The following PC variants were observed in gnomAD, a reference collection of about 807,000 sequenced individuals.
The protein encoded by PC is pyruvate carboxylase.
PC carries 46 observed loss-of-function variants against 107.8 expected under a neutral mutation model. That is an observed-to-expected ratio of 0.43 (90% CI 0.34 to 0.55). The LOEUF (loss-of-function observed/expected upper bound fraction) is 0.55. Among genes scored for constraint, PC ranks in the 20% least tolerant of loss-of-function variants. The pLI, the probability that PC is intolerant of heterozygous loss-of-function variation, is 0.04. For synonymous variants in PC, 662 were observed against 684.7 expected (o/e 0.97, Z 0.52); for missense variants, 1,241 against 1,643.1 (o/e 0.76, Z 4.23).
intron 3 of PC, among the ~76,000 whole-genome samples, chr11:66,926,678 A>C (rs2050577002): frequency 6.6e-6 from 1 of 151,976 alleles, no homozygotes; most frequent in Admixed American, 6.6e-5. Context: ...CCTTTTCATC[A>C]CTCCAAAAAG....
chr11:66,849,422 T>TC, intron 21 of PC, 52 bp from the exon 22 acceptor site: 1 of 1,609,480 alleles, frequency 6.2e-7, no homozygotes, highest in Non-Finnish European at 8.5e-7. Context: ...GGGAGAGCAG[T>TC]CCCCCGGCCC....
At chr11:66,861,755 T>C (rs1946271002) in intron 12 of PC, among the ~76,000 whole-genome samples, 1 of 151,958 alleles carries the variant, frequency 6.6e-6, no homozygotes, top group Non-Finnish European at 1.5e-5. Flanking sequence ...TTGGTGCACA[T>C]TTGGGGAGGA....
At chr11:66,938,864 TTGG>T (rs1267061444) in intron 3 of PC, among the ~76,000 whole-genome samples, 1 of 152,218 alleles carries the variant, frequency 6.6e-6, no homozygotes, top group Admixed American at 6.6e-5. Flanking sequence ...GATGTACGTT[TTGG>T]TGATTTCCCA....
chr11:66,915,227 A>G (rs1948437368), intron 3 of PC, among the ~76,000 whole-genome samples: 1 of 152,048 alleles, frequency 6.6e-6, no homozygotes, highest in African/African-American at 2.4e-5. Flanking sequence ...AGTCTCTGAA[A>G]CCTGCCTAAG....
chr11:66,876,659 C>T (rs1946991060), intron 3 of PC, among the ~76,000 whole-genome samples: 1 of 152,184 alleles, frequency 6.6e-6, no homozygotes, highest in African/African-American at 2.4e-5. Context: ...AGCCCTGCTC[C>T]AGGCGAGTTA....
intron 10 of PC, among the ~76,000 whole-genome samples, chr11:66,867,891 T>A (rs1591180918): frequency 1.3e-5 from 2 of 152,200 alleles, no homozygotes; most frequent in South Asian, 4.1e-4. Context: ...CCCGACAGCA[T>A]CCTCAGTCTC....
intron 3 of PC, among the ~76,000 whole-genome samples, chr11:66,939,960 CAT>C (rs1949089671): frequency 6.6e-6 from 1 of 151,228 alleles, no homozygotes; most frequent in Non-Finnish European, 1.5e-5. Flanking sequence ...TTGGAAAAAA[CAT>C]AGGGGAAAAG....
intron 3 of PC, among the ~76,000 whole-genome samples, chr11:66,909,859 G>C (rs891865579): frequency 2.6e-5 from 4 of 152,080 alleles, no homozygotes; most frequent in Non-Finnish European, 5.9e-5. Flanking sequence ...GCCAGGACAC[G>C]GGCCATTGTA....
At chr11:66,869,204 C>A (rs1946625109) in intron 9 of PC, among the ~76,000 whole-genome samples, 1 of 152,108 alleles carries the variant, frequency 6.6e-6, no homozygotes, top group Non-Finnish European at 1.5e-5. Flanking sequence ...ATGGCTGCAC[C>A]CAGCTTATCT....
At chr11:66,937,591 C>A (rs535814919) in intron 3 of PC, among the ~76,000 whole-genome samples, 1 of 152,102 alleles carries the variant, frequency 6.6e-6, no homozygotes, top group East Asian at 1.9e-4. Context: ...ATTTGTGTGA[C>A]GGTGCACCAT....
chr11:66,929,959 T>G (rs1300814414), intron 3 of PC, among the ~76,000 whole-genome samples: 2 of 152,060 alleles, frequency 1.3e-5, no homozygotes, highest in African/African-American at 2.4e-5. Flanking sequence ...TAGGCAAACC[T>G]GAGCTTCAGT....
chr11:66,872,068 C>T lies in PC; in HGVS notation c.92G>A (p.Arg31His), dbSNP rs779355042. ...TTTCTTGATGGGCTTATACTCCAGG[C>T]GCCGGACATTTGGGGAGGCAGCGGG... ...TAPAASPNVR[R>H]LEYKPIKKVM... Residue 31 changes from arginine to histidine, a missense_variant, in exon 4 of 23, where the codon CGC becomes CAC. Around this residue, in one of 2 missense-constraint regions of PC, gnomAD observed 1,143 missense variants for 1,551.9 expected, o/e 0.74. Coordinates refer to ENST00000393960, the MANE Select transcript of PC (RefSeq NM_001040716.2). The T allele has an allele frequency of 5.1e-5, 80 of 1,564,744 alleles. No homozygotes were observed. In the Middle Eastern group the frequency reaches 8.3e-4, roughly 16 times the overall value.
intron 3 of PC, among the ~76,000 whole-genome samples, chr11:66,893,167 C>T (rs763889561): frequency 6.6e-5 from 10 of 152,338 alleles, no homozygotes; most frequent in South Asian, 4.1e-4. Context: ...CTCACTCCCA[C>T]GGGCTTGCCT....
chr11:66,932,441 T>C (rs1279378715), intron 3 of PC, among the ~76,000 whole-genome samples: 2 of 152,128 alleles, frequency 1.3e-5, no homozygotes, highest in Non-Finnish European at 2.9e-5. Context: ...CTCCAGCCCA[T>C]TCAAGCCCAG....
At position 66,850,657 on chromosome 11, in the gene PC, G is replaced by A. The variant is rs1159748283; in HGVS notation, c.2473+17C>T. ...GGCTTTGAGAGGGGTGTGGCCACGG[G>A]CTGCTGTTCTTCCTACCTGTGTCCA... On this transcript the variant is annotated intron_variant, in intron 18 of 22. Coordinates refer to ENST00000393960, the MANE Select transcript of PC (RefSeq NM_001040716.2). 2 of 1,606,334 alleles carry A rather than the reference G, an allele frequency of 1.2e-6. No homozygotes were observed. The highest frequency in any genetic ancestry group is 1.7e-6 in the Non-Finnish European group (2 of 1,179,650).
intron 3 of PC, among the ~76,000 whole-genome samples, chr11:66,919,521 A>C (rs1483660625): frequency 6.6e-6 from 1 of 152,198 alleles, no homozygotes; most frequent in African/African-American, 2.4e-5. Context: ...ACAAGCTGGG[A>C]AGAGATGAGA....
At chr11:66,855,865 C>G (rs543632491) in intron 12 of PC, among the ~76,000 whole-genome samples, 75 of 152,364 alleles carry the variant, frequency 4.9e-4, no homozygotes, top group Admixed American at 2.4e-3. Flanking sequence ...GGTCAGGTAA[C>G]GTGCCCAGGA....
intron 12 of PC, chr11:66,860,386 A>G (rs1179530924): frequency 7.3e-6 from 6 of 821,434 alleles, no homozygotes; most frequent in Non-Finnish European, 8.1e-6. Context: ...AGGCCCCTCC[A>G]ACAGGTGCTC....
intron 1 of PC, 84 bp downstream of exon 1, chr11:66,958,238 G>A (rs1293600595): frequency 6.6e-6 from 1 of 152,136 alleles, no homozygotes; most frequent in Non-Finnish European, 1.5e-5. Flanking sequence ...TTACATAAGC[G>A]TCCCTCGCAG....
Sources: allele counts gnomAD v4.1 joint callset (sites outside exome capture counted in the v4.1 genomes callset), GRCh38; gene constraint gnomAD v4.1.1; regional missense constraint gnomAD v4.1.1; transcripts MANE v1.5; gene names NCBI Gene and HGNC (gene_info 2026-07-23, HGNC 2026-07-21).